The following NALF1 variants were observed in gnomAD, a reference collection of about 807,000 sequenced individuals.
NALF1 encodes the protein NALCN channel auxiliary factor 1.
In NALF1, 3 loss-of-function variants were observed where a neutral mutation model predicts 48.4. The observed-to-expected ratio is 0.06, with a 90% CI of 0.03 to 0.16. The LOEUF is 0.16. Among genes scored for constraint, NALF1 ranks in the 10% least tolerant of loss-of-function variants. The pLI is 1.00. For missense variants in NALF1, 526 were observed against 571.5 expected, an observed-to-expected ratio of 0.92 and a Z score of 0.81; for synonymous variants, 262 against 245.7, an observed-to-expected ratio of 1.07 and a Z score of -0.62.
At chr13:107,428,167 G>A (rs1207177876) in intron 1 of NALF1, among the ~76,000 whole-genome samples, 1 of 152,158 alleles carries the variant, frequency 6.6e-6, no homozygotes, top group African/African-American at 2.4e-5. Flanking sequence ...TGTTTCCCAT[G>A]AGCAGGGCCC....
chr13:107,537,777 G>T (rs149683726), intron 1 of NALF1, among the ~76,000 whole-genome samples: 1 of 152,166 alleles, frequency 6.6e-6, no homozygotes, highest in African/African-American at 2.4e-5. Context: ...CAGCACTTTG[G>T]GAGGCTGAGG....
chr13:107,822,400 C>T (rs775321434), intron 1 of NALF1, among the ~76,000 whole-genome samples: 50 of 151,536 alleles, frequency 3.3e-4, no homozygotes, highest in Non-Finnish European at 4.6e-4. Context: ...CAAAGCTTGG[C>T]CTCTACACTG....
At chr13:107,202,283 A>G (rs1186580313) in intron 2 of NALF1, among the ~76,000 whole-genome samples, 2 of 151,384 alleles carry the variant, frequency 1.3e-5, no homozygotes, top group Non-Finnish European at 2.9e-5. Flanking sequence ...TACCTACATT[A>G]TCTGGAAATT....
chr13:107,496,112 ATTTC>A (rs1188120305), intron 1 of NALF1, among the ~76,000 whole-genome samples: 3 of 152,162 alleles, frequency 2.0e-5, no homozygotes, highest in African/African-American at 7.2e-5. Flanking sequence ...TTCTTTCTCA[ATTTC>A]TTTATTAGAA....
chr13:107,636,079 A>C (rs887658765), intron 1 of NALF1, among the ~76,000 whole-genome samples: 8 of 152,080 alleles, frequency 5.3e-5, no homozygotes, highest in East Asian at 3.9e-4. Flanking sequence ...TGCCACTAGA[A>C]GTAATGGCAA....
intron 1 of NALF1, among the ~76,000 whole-genome samples, chr13:107,709,032 C>T (rs540455027): frequency 2.0e-5 from 3 of 152,050 alleles, no homozygotes; most frequent in South Asian, 2.1e-4. Flanking sequence ...ATAACCACAA[C>T]GATAACAACA....
At chr13:107,569,688 T>C (rs1244239613) in intron 1 of NALF1, among the ~76,000 whole-genome samples, 3 of 152,194 alleles carry the variant, frequency 2.0e-5, no homozygotes, top group African/African-American at 7.2e-5. Flanking sequence ...TCCCATTTTA[T>C]TCTTCCTTTT....
intron 1 of NALF1, among the ~76,000 whole-genome samples, chr13:107,311,739 AC>A (rs1206752869): frequency 3.9e-5 from 6 of 152,070 alleles, no homozygotes; most frequent in African/African-American, 1.2e-4. Context: ...AAAACAAACA[AC>A]CCCATCAACA....
intron 1 of NALF1, among the ~76,000 whole-genome samples, chr13:107,359,013 T>C (rs747570147): frequency 4.6e-5 from 7 of 152,152 alleles, no homozygotes; most frequent in East Asian, 1.9e-4. Flanking sequence ...CAAATCTCCC[T>C]TTAATCTTAT....
intron 1 of NALF1, among the ~76,000 whole-genome samples, chr13:107,778,971 T>C (rs963262718): frequency 6.6e-6 from 1 of 152,244 alleles, no homozygotes; most frequent in Admixed American, 6.5e-5. Context: ...TATTTAACTA[T>C]TTAACTCTTC....
rs769245968 is a variant in NALF1, at chr13:107,866,336, C to A, written c.261G>T (p.Arg87Ser). Residue 87 changes from arginine (R) to serine (S), a missense_variant, in exon 1 of 3, where the codon AGG becomes AGT. Arg to Ser is a moderately radical substitution (Grantham distance 110). This residue lies in a region of NALF1 where 373 missense variants were observed against 355.5 expected (regional missense o/e 1.05). Coordinates refer to ENST00000375915, the MANE Select transcript of NALF1 (RefSeq NM_001080396.3). The surrounding 1 kb of genome is among the most constrained non-coding windows in gnomAD (Gnocchi z 4.4). The part of the protein sequence containing the change: ...RQQQQQQQQQ[R>S]QRQQQQQQRR... ...GCTGCTGCTGCTGCTGCTGCCGCTG[C>A]CTCTGCTGCTGCTGCTGCTGCTGCT... 5.6e-6 allele frequency: 9 copies of A among 1,610,284 alleles called. No homozygotes were observed. The highest frequency in any genetic ancestry group is 6.8e-6 in the Non-Finnish European group (8 of 1,179,142).
intron 2 of NALF1, among the ~76,000 whole-genome samples, chr13:107,175,096 A>G (rs1363049436): frequency 1.6e-5 from 2 of 127,958 alleles, no homozygotes; most frequent in East Asian, 2.3e-4. Flanking sequence ...TCATCGTGTT[A>G]GCCAGGATGT....
chr13:107,469,953 C>T (rs1011094238), intron 1 of NALF1, among the ~76,000 whole-genome samples: 3 of 151,754 alleles, frequency 2.0e-5, no homozygotes, highest in Admixed American at 1.3e-4. Flanking sequence ...CCGTGTTAGC[C>T]AGGATGGTCT....
At chr13:107,604,288 GC>G (rs1340809122) in intron 1 of NALF1, among the ~76,000 whole-genome samples, 2 of 152,166 alleles carry the variant, frequency 1.3e-5, no homozygotes, top group South Asian at 4.1e-4. Context: ...AAAATTGGTG[GC>G]TTTTAATCCA....
intron 1 of NALF1, among the ~76,000 whole-genome samples, chr13:107,834,424 T>C (rs1879831471): frequency 6.6e-6 from 1 of 152,142 alleles, no homozygotes; most frequent in East Asian, 1.9e-4. Flanking sequence ...TTACCATCAA[T>C]GTCAAGAGTA....
intron 1 of NALF1, among the ~76,000 whole-genome samples, chr13:107,844,721 T>C (rs1880126317): frequency 6.6e-6 from 1 of 152,200 alleles, no homozygotes; most frequent in East Asian, 1.9e-4. Flanking sequence ...TTGTTTAAAT[T>C]ACTTTTTCCC....
At chr13:107,191,125 G>A (rs961340468) in intron 2 of NALF1, among the ~76,000 whole-genome samples, 1 of 152,072 alleles carries the variant, frequency 6.6e-6, no homozygotes, top group Admixed American at 6.6e-5. Flanking sequence ...TTCATCTGAC[G>A]GCTCCTTGGA....
chr13:107,273,037 A>G (rs935063882), intron 1 of NALF1, among the ~76,000 whole-genome samples: 1 of 152,228 alleles, frequency 6.6e-6, no homozygotes, highest in Non-Finnish European at 1.5e-5. Context: ...AGAAGCCGGA[A>G]GGTCACTCAC....
intron 1 of NALF1, among the ~76,000 whole-genome samples, chr13:107,278,542 G>T (rs1881325899): frequency 6.6e-6 from 1 of 152,120 alleles, no homozygotes; most frequent in South Asian, 2.1e-4. Flanking sequence ...GTGAATGAAT[G>T]AATCTATCAT....
Sources: allele counts gnomAD v4.1 joint callset (sites outside exome capture counted in the v4.1 genomes callset), GRCh38; gene constraint gnomAD v4.1.1; regional missense constraint gnomAD v4.1.1; non-coding constraint Gnocchi (gnomAD v3.1); transcripts MANE v1.5; gene names NCBI Gene and HGNC (gene_info 2026-07-23, HGNC 2026-07-21).